Variants in KIF26B observed in about 807,000 individuals in gnomAD.
KIF26B encodes kinesin family member 26B.
KIF26B carries 63 observed loss-of-function variants against 151.2 expected under a neutral mutation model. The ratio of observed to expected loss-of-function variants is 0.42; its 90% confidence interval spans 0.34 to 0.51. The LOEUF (loss-of-function observed/expected upper bound fraction) is 0.51, where lower values mean the gene tolerates loss of function less well. Ranked by LOEUF, KIF26B falls within the 20% of genes least tolerant of loss-of-function variation. KIF26B has a pLI of 0.07. For missense variants in KIF26B, 2,813 were observed against 2,913.6 expected (o/e 0.97, Z 0.79); for synonymous variants, 1,357 against 1,262.1 (o/e 1.08, Z -1.59).
chr1:245,156,274 C>A lies in KIF26B; in HGVS notation c.64-8C>A. On this transcript the variant is annotated splice_region_variant and splice_polypyrimidine_tract_variant and intron_variant, in intron 1 of 14. Coordinates refer to ENST00000407071, the MANE Select transcript of KIF26B (RefSeq NM_018012.4). ...GCAGCCCCTGACACCGGCGTGTCTT[C>A]CCCGCAGGTGAATGAAGTCTGCTCG... 2.6e-6 allele frequency: 4 copies of A among 1,545,260 alleles called. No homozygotes were observed. In the East Asian group the frequency reaches 7.4e-5, roughly 29 times the overall value.
intron 4 of KIF26B, among the ~76,000 whole-genome samples, chr1:245,517,121 C>T (rs1386536874): frequency 6.6e-6 from 1 of 152,210 alleles, no homozygotes; most frequent in African/African-American, 2.4e-5. Context: ...ATCCCAGCCG[C>T]CAAGGCGGGC....
intron 5 of KIF26B, among the ~76,000 whole-genome samples, chr1:245,584,662 T>C (rs1278913899): frequency 6.6e-6 from 1 of 152,174 alleles, no homozygotes; most frequent in Non-Finnish European, 1.5e-5. Context: ...GAAAAGAACC[T>C]ATAGGAAGAG....
chr1:245,548,847 A>C (rs915772830), intron 5 of KIF26B, among the ~76,000 whole-genome samples: 8 of 151,978 alleles, frequency 5.3e-5, no homozygotes, highest in Non-Finnish European at 1.2e-4. Context: ...GGTTTCAAGC[A>C]ATTCTCCTGC....
At chr1:245,567,437 C>T (rs1018680053) in intron 5 of KIF26B, among the ~76,000 whole-genome samples, 6 of 152,196 alleles carry the variant, frequency 3.9e-5, no homozygotes, top group Admixed American at 6.5e-5. Flanking sequence ...TCTCCAGCCT[C>T]CTGTCCCCTT....
intron 14 of KIF26B, among the ~76,000 whole-genome samples, chr1:245,700,653 A>T (rs910217457): frequency 1.3e-4 from 18 of 142,894 alleles, no homozygotes; most frequent in Non-Finnish European, 2.6e-4. Flanking sequence ...ATAAAAATAA[A>T]AAACAGGAGG....
Position 245,449,015 on chromosome 1 carries a change from A to T in KIF26B, c.1166+29270A>T, listed in dbSNP as rs138030165. On this transcript the variant is annotated intron_variant, in intron 4 of 14. Transcript: ENST00000407071. The stretch of plus-strand genomic sequence containing the variant: ...CAGTAGAGAACCTCTAATGCCTGAA[A>T]CAAGGAGACTGTTTACTTTAGCACG... Among the ~76,000 whole-genome samples, 15 of 152,312 alleles carry T rather than the reference A, an allele frequency of 9.8e-5. No individual in the cohort carries two copies. The South Asian group carries it at 2.5e-3, about 25-fold the overall frequency.
rs893174283 is a variant in KIF26B, at chr1:245,167,683, G to A, written c.465+11000G>A. On this transcript the variant is annotated intron_variant, in intron 2 of 14. Transcript: ENST00000407071. This position sits in a 1 kb window ranked among gnomAD's most constrained non-coding sequence, Gnocchi z 4.2. The stretch of plus-strand genomic sequence containing the variant: ...CATTGTTTAAAAAAAAAAATCACCT[G>A]CCCAGTTCAGTTGTGTAACTTTGCA... 3.9e-5 allele frequency among the ~76,000 whole-genome samples: 6 copies of A among 152,108 alleles called. No individual in the cohort carries two copies. Among genetic ancestry groups the A allele is most frequent in the African/African-American group, 1.4e-4 (6 of 41,410 alleles).
At chr1:245,366,405 G>A (rs59123313) in intron 2 of KIF26B, among the ~76,000 whole-genome samples, 14,909 of 151,786 alleles carry the variant, frequency 0.098, 1,897 homozygotes, top group East Asian at 0.29. Context: ...GGTGGTGGGC[G>A]CCTGTAGTCC....
chr1:245,422,269 C>A (rs779748845), intron 4 of KIF26B, among the ~76,000 whole-genome samples: 4 of 152,084 alleles, frequency 2.6e-5, no homozygotes, highest in Admixed American at 6.5e-5. Flanking sequence ...AAGAACAATT[C>A]TTTCTATAGA....
At chr1:245,437,152 G>C (rs1361165884) in intron 4 of KIF26B, among the ~76,000 whole-genome samples, 1 of 152,196 alleles carries the variant, frequency 6.6e-6, no homozygotes, top group Non-Finnish European at 1.5e-5. Context: ...CTCCCAAAGT[G>C]CTGGGATTAC....
intron 12 of KIF26B, among the ~76,000 whole-genome samples, chr1:245,694,545 C>T (rs1043517758): frequency 2.6e-5 from 4 of 152,186 alleles, no homozygotes; most frequent in African/African-American, 4.8e-5. Context: ...TCTGCAGACT[C>T]GTGTGGGGAC....
In KIF26B at chr1:245,293,776, C is replaced by G. The variant is rs1268266883; in HGVS notation, c.466-73058C>G. On this transcript the variant is annotated intron_variant, in intron 2 of 14. Transcript: ENST00000407071. ...TATTTTTAGTAGACATGGGGTTTCT[C>G]CATTTTGGTCAAGCTGGTCTTGAAC... is the stretch of plus-strand genomic sequence containing the variant. 3.9e-5 allele frequency among the ~76,000 whole-genome samples: 6 copies of G among 152,200 alleles called. No homozygotes were observed. In the East Asian group the frequency reaches 1.2e-3, roughly 29 times the overall value.
intron 5 of KIF26B, among the ~76,000 whole-genome samples, chr1:245,556,340 TTCCTCCC>T (rs1291472236): frequency 7.7e-6 from 1 of 130,410 alleles, no homozygotes. Context: ...TTCTTCCTCC[TTCCTCCC>T]TCCTCCTCCT....
At chr1:245,409,934 C>T (rs1026635807) in intron 3 of KIF26B, among the ~76,000 whole-genome samples, 2 of 152,152 alleles carry the variant, frequency 1.3e-5, no homozygotes, top group Non-Finnish European at 2.9e-5. Context: ...AAAAGCAAAT[C>T]GTGAGCCTAA....
chr1:245,336,004 G>GGGTCCC (rs1672221294), intron 2 of KIF26B, among the ~76,000 whole-genome samples: 1 of 120,424 alleles, frequency 8.3e-6, no homozygotes, highest in African/African-American at 4.0e-5. Flanking sequence ...AGGGAAAGGA[G>GGGTCCC]AGTCCCACGC....
At position 245,702,191 on chromosome 1, in the gene KIF26B, AGGTAG is replaced by A. The variant is rs2044781983; in HGVS notation, c.6179-264_6179-260del. Among the ~76,000 whole-genome samples, 4 of 152,242 alleles carry A rather than the reference AGGTAG, an allele frequency of 2.6e-5. No individual in the cohort carries two copies. Among genetic ancestry groups the A allele is most frequent in the Admixed American group, 2.0e-4 (3 of 15,294 alleles). The stretch of plus-strand genomic sequence containing the variant: ...TCCATCCTGGATCCTCCATGGCTGG[AGGTAG>A]GGGGAGCTAGAATGTCACCTTATTG... On this transcript the variant is annotated intron_variant, in intron 14 of 14. Transcript: ENST00000407071. This position sits in a 1 kb window ranked among gnomAD's most constrained non-coding sequence, Gnocchi z 4.1.
At chr1:245,471,040 TTATTGTCGTA>T (rs542812455) in intron 4 of KIF26B, among the ~76,000 whole-genome samples, 198 of 152,094 alleles carry the variant, frequency 1.3e-3, no homozygotes, top group African/African-American at 4.5e-3. Context: ...GCTTCTACAT[TTATTGTCGTA>T]TATTCAAGCA....
intron 10 of KIF26B, among the ~76,000 whole-genome samples, chr1:245,646,627 A>G (rs937071098): frequency 2.6e-5 from 4 of 152,214 alleles, no homozygotes; most frequent in African/African-American, 9.6e-5. Flanking sequence ...GGGGTGGAAG[A>G]CTGGCTTATC....
intron 5 of KIF26B, among the ~76,000 whole-genome samples, chr1:245,562,513 C>T (rs1343134992): frequency 3.9e-5 from 6 of 152,028 alleles, no homozygotes; most frequent in African/African-American, 1.4e-4. Context: ...GATTTCCCCA[C>T]TGTCTGTCAC....
Sources: gnomAD v4.1 joint callset for allele counts (sites outside exome capture counted in the v4.1 genomes callset) on GRCh38, gnomAD v4.1.1 for gene constraint, Gnocchi (gnomAD v3.1) non-coding constraint, MANE v1.5 for transcripts, NCBI Gene and HGNC (gene_info 2026-07-23, HGNC 2026-07-21) for gene names.